COMMD10: variants seen among roughly 807,000 people sequenced by gnomAD.
The protein encoded by COMMD10 is COMM domain containing 10, also known as COMM domain-containing protein 10.
A neutral mutation model predicts 28.9 loss-of-function variants in COMMD10; 33 were observed. That is an observed-to-expected ratio of 1.14 (90% CI 0.87 to 1.53). COMMD10 has a LOEUF of 1.53. Among genes scored for constraint, COMMD10 ranks in the 40% most tolerant of loss-of-function variants. COMMD10 has a pLI of 0.00. For synonymous variants in COMMD10, 110 were observed against 81.7 expected, an observed-to-expected ratio of 1.35 and a Z score of -1.87; for missense variants, 310 against 233.4, an observed-to-expected ratio of 1.33 and a Z score of -2.14.
intron 5 of COMMD10, among the ~76,000 whole-genome samples, chr5:116,273,293 G>A (rs1273902141): frequency 6.6e-6 from 1 of 151,694 alleles, no homozygotes; most frequent in Non-Finnish European, 1.5e-5. Flanking sequence ...AACCCTCCTT[G>A]TAATGTATCT....
intron 5 of COMMD10, among the ~76,000 whole-genome samples, chr5:116,258,397 A>T (rs756581051): frequency 1.3e-5 from 2 of 151,526 alleles, no homozygotes; most frequent in Non-Finnish European, 2.9e-5. Context: ...TTAGCTTCCT[A>T]CTTTTTGGAC....
chr5:116,245,096 TAAAG>T (rs1385676564), intron 5 of COMMD10, among the ~76,000 whole-genome samples: 1 of 150,604 alleles, frequency 6.6e-6, no homozygotes, highest in Admixed American at 6.6e-5. Flanking sequence ...GCTAGACTAA[TAAAG>T]AAGAAAAGAG....
At chr5:116,093,090 A>G (rs1303137447) in intron 4 of COMMD10, among the ~76,000 whole-genome samples, 1 of 152,218 alleles carries the variant, frequency 6.6e-6, no homozygotes. Flanking sequence ...AAGTAAAAAA[A>G]TTGTCTGGTA....
intron 5 of COMMD10, 102 bp from the exon 6 acceptor site, chr5:116,291,415 C>T: frequency 1.2e-6 from 1 of 807,292 alleles, no homozygotes; most frequent in Non-Finnish European, 2.0e-6. Context: ...TAAAACCACT[C>T]AGAGGACAAT....
intron 5 of COMMD10, among the ~76,000 whole-genome samples, chr5:116,270,961 TATAA>T (rs1363456393): frequency 6.7e-6 from 1 of 149,888 alleles, no homozygotes; most frequent in Non-Finnish European, 1.5e-5. Flanking sequence ...AAAGATTATA[TATAA>T]ATAAATAAAA....
At chr5:116,255,980 T>TA (rs1303299880) in intron 5 of COMMD10, 1 of 151,658 alleles carries the variant, frequency 6.6e-6, no homozygotes, top group Non-Finnish European at 1.5e-5. Flanking sequence ...CTCATTTCCT[T>TA]AAATTTCATG....
intron 5 of COMMD10, among the ~76,000 whole-genome samples, chr5:116,204,997 T>G (rs1368389256): frequency 1.3e-5 from 2 of 152,102 alleles, no homozygotes; most frequent in African/African-American, 4.8e-5. Flanking sequence ...AGGTGCATGA[T>G]AAAACTTGCC....
intron 5 of COMMD10, among the ~76,000 whole-genome samples, chr5:116,170,531 A>T (rs1391935783): frequency 6.6e-6 from 1 of 152,214 alleles, no homozygotes; most frequent in Non-Finnish European, 1.5e-5. Context: ...TAGCCAAGAC[A>T]ATCCTAAGCA....
chr5:116,265,087 C>G (rs921500119), intron 5 of COMMD10, among the ~76,000 whole-genome samples: 3 of 151,672 alleles, frequency 2.0e-5, no homozygotes, highest in African/African-American at 7.3e-5. Context: ...TTGTCTGCTT[C>G]GCAAAATAAC....
rs540866624 is a variant in COMMD10 at position 116,260,309 on chromosome 5, A to G, written c.511-31208A>G. On this transcript the variant is annotated intron_variant, in intron 5 of 6. Coordinates refer to ENST00000274458, the MANE Select transcript of COMMD10 (RefSeq NM_016144.4). ...TATTTAGCATTAGCCTCTGTCACCA[A>G]TTTATTATTTTTCCCTGTGGAAACT... Among the ~76,000 whole-genome samples, 23 of 151,988 alleles carry G rather than the reference A, an allele frequency of 1.5e-4. 1 individual carries two copies. Among genetic ancestry groups the G allele is most frequent in the African/African-American group, 5.6e-4 (23 of 41,320 alleles).
chr5:116,150,636 A>C (rs1470507438), intron 5 of COMMD10, among the ~76,000 whole-genome samples: 2 of 141,874 alleles, frequency 1.4e-5, no homozygotes, highest in Non-Finnish European at 3.0e-5. Context: ...ATGGGAGTTC[A>C]CTCATGATTT....
intron 4 of COMMD10, among the ~76,000 whole-genome samples, chr5:116,131,100 G>A (rs1580472973): frequency 1.3e-5 from 2 of 151,802 alleles, no homozygotes; most frequent in African/African-American, 2.4e-5. Flanking sequence ...TGGGAAAGGA[G>A]GTGCCACTAA....
intron 5 of COMMD10, among the ~76,000 whole-genome samples, chr5:116,212,286 C>A (rs1237945192): frequency 1.3e-5 from 2 of 152,032 alleles, no homozygotes; most frequent in Non-Finnish European, 2.9e-5. Context: ...ATTTTTCCCT[C>A]CTGAAGTTAT....
chr5:116,171,493 A>G (rs904550884), intron 5 of COMMD10, among the ~76,000 whole-genome samples: 2 of 152,150 alleles, frequency 1.3e-5, no homozygotes, highest in South Asian at 2.1e-4. Flanking sequence ...TACCCAGATG[A>G]TTATAAATCA....
chr5:116,261,868 C>T (rs555670013), intron 5 of COMMD10, among the ~76,000 whole-genome samples: 4 of 151,792 alleles, frequency 2.6e-5, no homozygotes, highest in East Asian at 3.9e-4. Flanking sequence ...TTAACTGTTT[C>T]GGTTTCAGAA....
At chr5:116,192,851 A>G (rs1032016958) in intron 5 of COMMD10, among the ~76,000 whole-genome samples, 1 of 152,186 alleles carries the variant, frequency 6.6e-6, no homozygotes, top group African/African-American at 2.4e-5. Flanking sequence ...ATCATGGCAC[A>G]CTGACTGTCA....
At chr5:116,160,626 G>A (rs1293785551) in intron 5 of COMMD10, among the ~76,000 whole-genome samples, 1 of 152,078 alleles carries the variant, frequency 6.6e-6, no homozygotes, top group African/African-American at 2.4e-5. Flanking sequence ...ATCTGTGAAA[G>A]TACAAAGTAA....
chr5:116,193,145 G>A (rs1748415108), intron 5 of COMMD10, among the ~76,000 whole-genome samples: 1 of 152,108 alleles, frequency 6.6e-6, no homozygotes, highest in African/African-American at 2.4e-5. Context: ...ACCACTACAG[G>A]AACTGCTAAA....
intron 4 of COMMD10, among the ~76,000 whole-genome samples, chr5:116,100,143 TATC>T (rs1282423851): frequency 6.6e-6 from 1 of 152,184 alleles, no homozygotes; most frequent in Non-Finnish European, 1.5e-5. Flanking sequence ...CTGTTTATGG[TATC>T]ATGTTGGAGT....
Sources: gnomAD v4.1 joint callset for allele counts (sites outside exome capture counted in the v4.1 genomes callset) on GRCh38, gnomAD v4.1.1 for gene constraint, MANE v1.5 for transcripts, NCBI Gene and HGNC (gene_info 2026-07-23, HGNC 2026-07-21) for gene names.